Variants in CEP112 observed in about 807,000 individuals in gnomAD.
The protein encoded by CEP112 is centrosomal protein 112.
A neutral mutation model predicts 153.0 loss-of-function variants in CEP112; 127 were observed. That is an observed-to-expected ratio of 0.83 (90% confidence interval 0.72 to 0.96). The LOEUF is 0.96. CEP112 is among the 40% of genes least tolerant of loss of function. The pLI, the probability that CEP112 is intolerant of heterozygous loss-of-function variation, is 0.00. For synonymous variants in CEP112, 358 were observed against 374.4 expected (o/e 0.96, Z 0.51); for missense variants, 1,089 against 1,101.2 (o/e 0.99, Z 0.16).
chr17:65,669,059 G>A (rs981449743), intron 24 of CEP112, among the ~76,000 whole-genome samples: 3 of 152,192 alleles, frequency 2.0e-5, no homozygotes, highest in Non-Finnish European at 4.4e-5. Context: ...TAGTCTCGCA[G>A]TGAATTTTTT....
Position 65,644,290 on chromosome 17 carries a change from G to A in CEP112, c.2698-3225C>T, listed in dbSNP as rs79898540. On this transcript the variant is annotated intron_variant, in intron 24 of 26. Coordinates refer to ENST00000535342, the MANE Select transcript of CEP112 (RefSeq NM_001199165.4). ...AATGTCTATCTGTTTTCCTAAGCTG[G>A]CACTCGGCAAGAAGGCCATGTTCCA... is the stretch of plus-strand genomic sequence containing the variant. 1,441 of 572,192 alleles carry A rather than the reference G, an allele frequency of 2.5e-3. 13 individuals carry two copies. Among genetic ancestry groups the A allele is most frequent in the African/African-American group, 0.024 (1,257 of 53,024 alleles). 35.4% of individuals were successfully genotyped at this position (572,192 alleles called of 1,614,324 possible).
chr17:66,170,185 G>A (rs1275566312), intron 4 of CEP112, among the ~76,000 whole-genome samples: 3 of 152,108 alleles, frequency 2.0e-5, no homozygotes, highest in Non-Finnish European at 4.4e-5. Context: ...CAAGTCACAG[G>A]ACCTGCCCAC....
intron 4 of CEP112, among the ~76,000 whole-genome samples, chr17:66,170,540 A>T (rs936648105): frequency 1.3e-5 from 2 of 152,010 alleles, no homozygotes; most frequent in Admixed American, 1.3e-4. Context: ...CAAGGTGGGC[A>T]TATCACTTAA....
At chr17:65,646,439 G>A (rs1339973621) in intron 24 of CEP112, among the ~76,000 whole-genome samples, 1 of 152,122 alleles carries the variant, frequency 6.6e-6, no homozygotes, top group African/African-American at 2.4e-5. Context: ...GCTGAATCCT[G>A]TTACTTCAAT....
chr17:65,767,993 G>A (rs1017927700), intron 21 of CEP112, among the ~76,000 whole-genome samples: 2 of 152,014 alleles, frequency 1.3e-5, no homozygotes, highest in African/African-American at 2.4e-5. Context: ...AAATAAAAAA[G>A]AGCTGGATAA....
intron 24 of CEP112, among the ~76,000 whole-genome samples, chr17:65,661,246 C>CGGTAA (rs1405768631): frequency 6.6e-6 from 1 of 152,182 alleles, no homozygotes; most frequent in African/African-American, 2.4e-5. Context: ...CTCCACCACA[C>CGGTAA]CCTCCCACAG....
At chr17:66,183,650 T>C (rs1267455596) in intron 1 of CEP112, among the ~76,000 whole-genome samples, 20 of 151,996 alleles carry the variant, frequency 1.3e-4, no homozygotes, top group Admixed American at 1.2e-3. Context: ...TGGAAAAGAT[T>C]AGAGAGTCCA....
rs1951244737 is a variant in CEP112, at chr17:66,191,547, A to G, written c.-9+450T>C. ...GCCCTGGTTCTGTCCCCGCAAATCCAGCTGATTGTTCTGAGACTCTTTTCT... is the reference window on the plus strand; with the variant it reads ...GCCCTGGTTCTGTCCCCGCAAATCCGGCTGATTGTTCTGAGACTCTTTTCT... On this transcript the variant is annotated intron_variant, in intron 1 of 26. Transcript: ENST00000535342. The surrounding 1 kb of genome is among the most constrained non-coding windows in gnomAD (Gnocchi z 4.2). The G allele has an allele frequency of 6.6e-6, 1 of 152,542 alleles. No homozygotes were observed. Among genetic ancestry groups the G allele is most frequent in the South Asian group, 2.1e-4 (1 of 4,836 alleles). The allele number at this position is 152,542 out of a possible 1,614,324, so 9.4% of individuals were successfully genotyped here.
At chr17:65,858,475 G>A (rs1248009037) in intron 20 of CEP112, among the ~76,000 whole-genome samples, 1 of 151,892 alleles carries the variant, frequency 6.6e-6, no homozygotes, top group African/African-American at 2.4e-5. Context: ...CCAATTATTG[G>A]CATAATGCTT....
chr17:65,816,399 T>A (rs1195096224), intron 21 of CEP112, among the ~76,000 whole-genome samples: 1 of 151,956 alleles, frequency 6.6e-6, no homozygotes, highest in African/African-American at 2.4e-5. Flanking sequence ...CTGAGCAGTA[T>A]ACACTGCACC....
intron 20 of CEP112, among the ~76,000 whole-genome samples, chr17:65,874,795 C>T (rs1158516935): frequency 6.6e-6 from 1 of 152,030 alleles, no homozygotes; most frequent in African/African-American, 2.4e-5. Flanking sequence ...TTACTACCCA[C>T]ATTGTAGACA....
At chr17:65,640,155 T>TATATATATATATATATA (rs1491163281) in intron 25 of CEP112, among the ~76,000 whole-genome samples, 7 of 24,978 alleles carry the variant, frequency 2.8e-4, no homozygotes, top group Non-Finnish European at 4.2e-4. Context: ...TATATATATA[T>TATATATATATATATATA]TTTTTTTTTT....
At chr17:66,143,393 A>C (rs2070787445) in intron 4 of CEP112, among the ~76,000 whole-genome samples, 1 of 152,218 alleles carries the variant, frequency 6.6e-6, no homozygotes, top group Non-Finnish European at 1.5e-5. Context: ...TTAAGACCTC[A>C]GAAAGATTTG....
At chr17:65,919,816 T>C (rs2060635662) in intron 19 of CEP112, among the ~76,000 whole-genome samples, 1 of 152,200 alleles carries the variant, frequency 6.6e-6, no homozygotes, top group Admixed American at 6.5e-5. Context: ...AGAAAAGAAC[T>C]ACCTTGAAAC....
chr17:65,675,161 C>A (rs1468718312), intron 24 of CEP112, among the ~76,000 whole-genome samples: 1 of 151,990 alleles, frequency 6.6e-6, no homozygotes, highest in African/African-American at 2.4e-5. Flanking sequence ...GCTAGAAGGT[C>A]TAATATATAC....
chr17:65,995,900 TTC>T (rs1018991354), intron 17 of CEP112, among the ~76,000 whole-genome samples: 11 of 152,154 alleles, frequency 7.2e-5, no homozygotes, highest in African/African-American at 2.7e-4. Flanking sequence ...TTGGCTCTCA[TTC>T]TCTCTTGCCT....
At chr17:65,702,080 T>C (rs1303787860) in intron 23 of CEP112, among the ~76,000 whole-genome samples, 3 of 152,182 alleles carry the variant, frequency 2.0e-5, no homozygotes, top group Middle Eastern at 3.4e-3. Flanking sequence ...TTTGCCATGT[T>C]GGCCAGGCTG....
intron 23 of CEP112, among the ~76,000 whole-genome samples, chr17:65,729,128 C>A (rs1249507976): frequency 6.6e-6 from 1 of 151,796 alleles, no homozygotes; most frequent in East Asian, 1.9e-4. Context: ...TTCTTTATAT[C>A]CTTATTCCAT....
rs183136751 is a variant in CEP112 at position 65,857,965 on chromosome 17, A to G, written c.2164-5931T>C. On this transcript the variant is annotated intron_variant, in intron 20 of 26. Coordinates refer to ENST00000535342, the MANE Select transcript of CEP112 (RefSeq NM_001199165.4). ...ACATTTTCCGGTCTTTTACAGAGTC[A>G]GTTTTGGTAAATTTTTATAGTTTAG... is the stretch of plus-strand genomic sequence containing the variant. 5.8e-3 allele frequency among the ~76,000 whole-genome samples: 889 copies of G among 152,318 alleles called. 9 individuals are homozygous for G. The highest frequency in any genetic ancestry group is 0.02 in the African/African-American group (825 of 41,572).
Sources: gnomAD v4.1 joint callset for allele counts (sites outside exome capture counted in the v4.1 genomes callset) on GRCh38, gnomAD v4.1.1 for gene constraint, Gnocchi (gnomAD v3.1) non-coding constraint, MANE v1.5 for transcripts, NCBI Gene and HGNC (gene_info 2026-07-23, HGNC 2026-07-21) for gene names.